FAAH: variants seen among roughly 807,000 people sequenced by gnomAD.
FAAH encodes fatty-acid amide hydrolase 1.
FAAH carries 63 observed loss-of-function variants against 69.7 expected under a neutral mutation model. The observed-to-expected ratio is 0.90, with a 90% CI of 0.74 to 1.12. The LOEUF (loss-of-function observed/expected upper bound fraction) is 1.12, where lower values mean the gene tolerates loss of function less well. FAAH is among the 50% of genes most tolerant of loss of function. The probability of loss-of-function intolerance (pLI) is 0.00; values close to 1 mark genes in which losing one functional copy is unlikely to be tolerated. For missense variants in FAAH, 680 were observed against 755.0 expected (o/e 0.90, Z 1.16); for synonymous variants, 305 against 324.2 (o/e 0.94, Z 0.64).
At chr1:46,400,401 G>C (rs1024241606) in intron 1 of FAAH, among the ~76,000 whole-genome samples, 1 of 152,154 alleles carries the variant, frequency 6.6e-6, no homozygotes, top group Non-Finnish European at 1.5e-5. Flanking sequence ...CAGGGCAGCA[G>C]TTGGGTGGCC....
rs1269963803 is a variant in FAAH, at chr1:46,406,330, T to C, written c.913T>C (p.Leu305=). The C allele has an allele frequency of 1.5e-5, 25 of 1,613,866 alleles. No homozygotes were observed. The highest frequency in any genetic ancestry group is 2.0e-5 in the Non-Finnish European group (24 of 1,179,846). ...CCTGCTGTGTGAGGACATGTTCCGC[T>C]TGGACCCCACTGTGCCTCCCTTGCC... ...RALLCEDMFR[L]DPTVPPLPFR... The change falls in exon 7 of 15, where the codon TTG becomes CTG. Residue 305 remains leucine, a synonymous_variant. Coordinates refer to ENST00000243167, the MANE Select transcript of FAAH (RefSeq NM_001441.3).
intron 1 of FAAH, 94 bp downstream of exon 1, chr1:46,394,637 CG>C: frequency 9.1e-7 from 1 of 1,097,400 alleles, no homozygotes. Flanking sequence ...GGGGATGGGG[CG>C]GGCAGAGCAG....
rs748291682 is a variant in FAAH at position 46,408,484 on chromosome 1, G to A, written c.977G>A (p.Arg326His). Residue 326 changes from arginine (R) to histidine (H), a missense_variant, in exon 8 of 15, where the codon CGT becomes CAT. Physicochemically the swap from Arg to His is conservative, Grantham distance 29. Coordinates refer to ENST00000243167, the MANE Select transcript of FAAH (RefSeq NM_001441.3). ...EEVYTSSQPL[R>H]VGYYETDNYT... Reference sequence around the variant, plus strand: ...GTCTACACCAGCTCTCAGCCCCTGCGTGTGGGGTACTATGAGACTGACAAC... The same window carrying A: ...GTCTACACCAGCTCTCAGCCCCTGCATGTGGGGTACTATGAGACTGACAAC... 16 of 1,614,030 alleles carry A rather than the reference G, an allele frequency of 9.9e-6. No individual in the cohort carries two copies. Among genetic ancestry groups the A allele is most frequent in the Admixed American group, 8.3e-5 (5 of 60,000 alleles).
intron 8 of FAAH, 67 bp from the exon 9 acceptor site, chr1:46,409,034 C>G: frequency 1.5e-6 from 2 of 1,362,404 alleles, no homozygotes; most frequent in Admixed American, 1.7e-5. Flanking sequence ...CAGGGCCGCC[C>G]AGACAGCATG....
At chr1:46,395,429 G>C (rs572521494) in intron 1 of FAAH, among the ~76,000 whole-genome samples, 162 of 152,328 alleles carry the variant, frequency 1.1e-3, no homozygotes, top group African/African-American at 3.8e-3. Flanking sequence ...CTGTCAACAA[G>C]CTTTTCTCCC....
chr1:46,404,686 G>A lies in FAAH; in HGVS notation c.310-328G>A, dbSNP rs185828061. 2.6e-5 allele frequency among the ~76,000 whole-genome samples: 4 copies of A among 152,274 alleles called. No homozygotes were observed. The East Asian group carries it at 7.7e-4, about 29-fold the overall frequency. On this transcript the variant is annotated intron_variant, in intron 2 of 14. Transcript: ENST00000243167. The surrounding 1 kb of genome is among the most constrained non-coding windows in gnomAD (Gnocchi z 4.5). The stretch of plus-strand genomic sequence containing the variant: ...AGAGATGTGGCTTGGGGGAGGTGAG[G>A]GAGTGGCCAGTGGTCATCTTCCTCC...
At position 46,413,012 on chromosome 1, in the gene FAAH, C is replaced by G. The variant is rs1664944252; in HGVS notation, c.1466-63C>G. The stretch of plus-strand genomic sequence containing the variant: ...GTGCCATTTCATATGAGGTTTGACT[C>G]AGGCCCGGAGTTGGCACTGAAGATT... On this transcript the variant is annotated intron_variant, in intron 13 of 14. Coordinates refer to ENST00000243167, the MANE Select transcript of FAAH (RefSeq NM_001441.3). 4 of 1,604,376 alleles carry G rather than the reference C, an allele frequency of 2.5e-6. No individual in the cohort carries two copies. In the South Asian group the frequency reaches 4.4e-5, roughly 18 times the overall value.
chr1:46,408,507 A>G lies in FAAH; in HGVS notation c.1000A>G (p.Asn334Asp), dbSNP rs1664841200. 1 of 1,614,024 alleles carries G rather than the reference A, an allele frequency of 6.2e-7. No homozygotes were observed. The highest frequency in any genetic ancestry group is 8.5e-7 in the Non-Finnish European group (1 of 1,180,024). The change falls in exon 8 of 15, where the codon AAC becomes GAC. Residue 334 changes from asparagine to aspartate, a missense_variant. Physicochemically the swap from Asn to Asp is conservative, Grantham distance 23. Transcript: ENST00000243167. ...PLRVGYYETD[N>D]YTMPSPAMRR... is the part of the protein sequence containing the mutation. ...GCGTGTGGGGTACTATGAGACTGAC[A>G]ACTATACCATGCCCTCCCCGGCCAT...
chr1:46,405,758 G>A lies in FAAH; in HGVS notation c.749G>A (p.Gly250Asp). The A allele has an allele frequency of 6.2e-7, 1 of 1,613,464 alleles. No individual in the cohort carries two copies. Among genetic ancestry groups the A allele is most frequent in the Non-Finnish European group, 8.5e-7 (1 of 1,180,022 alleles). Residue 250 changes from glycine to aspartate, a missense_variant, in exon 5 of 15, where the codon GGC (glycine) becomes GAC (aspartate). Coordinates refer to ENST00000243167, the MANE Select transcript of FAAH (RefSeq NM_001441.3). This position sits in a 1 kb window ranked among gnomAD's most constrained non-coding sequence, Gnocchi z 4.1. ...GSIRFPSSFC[G>D]ICGLKPTGNR... ...ATCCGCTTCCCCTCCTCCTTCTGCG[G>A]CATCTGCGGCCTCAAGCCCACAGGG... is the stretch of plus-strand genomic sequence containing the variant.
Position 46,405,093 on chromosome 1 carries a change from G to A in FAAH, c.389G>A (p.Arg130Lys). ...GAGACTCAGCTGTCTCAGGCCCCAA[G>A]GCAGGGCCTGCTCTATGGCGTCCCT... ...DCETQLSQAPRQGLLYGVPVS... is the reference protein window; with the variant it reads ...DCETQLSQAPKQGLLYGVPVS... Residue 130 changes from arginine to lysine, a missense_variant, in exon 3 of 15, where the codon AGG becomes AAG. Transcript: ENST00000243167. The surrounding 1 kb of genome is among the most constrained non-coding windows in gnomAD (Gnocchi z 4.1). The A allele has an allele frequency of 6.2e-7, 1 of 1,613,942 alleles. No homozygotes were observed. The highest frequency in any genetic ancestry group is 8.5e-7 in the Non-Finnish European group (1 of 1,179,996).
chr1:46,399,610 A>G (rs1664661523), intron 1 of FAAH, among the ~76,000 whole-genome samples: 1 of 152,228 alleles, frequency 6.6e-6, no homozygotes. Context: ...CCGGACTGTC[A>G]GGTGGCAGTT....
At chr1:46,397,932 CTTT>C (rs1047486835) in intron 1 of FAAH, among the ~76,000 whole-genome samples, 2 of 118,038 alleles carry the variant, frequency 1.7e-5, no homozygotes, top group Admixed American at 8.7e-5. Flanking sequence ...GTCTTGAACT[CTTT>C]TTTTTTTTTT....
intron 1 of FAAH, among the ~76,000 whole-genome samples, chr1:46,396,399 TTCACTGATCCTCC>T (rs1664597679): frequency 6.6e-6 from 1 of 152,190 alleles, no homozygotes; most frequent in Admixed American, 6.5e-5. Context: ...GCCTTCCTCT[TTCACTGATCCTCC>T]TCAGCACAGA....
chr1:46,410,407 T>C lies in FAAH; in HGVS notation c.1185T>C (p.Asp395=), dbSNP rs1300675818. 6.2e-7 allele frequency: 1 copy of C among 1,613,980 alleles called. No individual in the cohort carries two copies. The highest frequency in any genetic ancestry group is 8.5e-7 in the Non-Finnish European group (1 of 1,179,922). ...GCATTTTGTTTCCCAGCAAAGGTGATTTCGTGGACCCCTGCCTGGGGGACC... is the reference window on the plus strand; with the variant it reads ...GCATTTTGTTTCCCAGCAAAGGTGACTTCGTGGACCCCTGCCTGGGGGACC... ...GHTFLQNFKG[D]FVDPCLGDLV... The change falls in exon 10 of 15, where the codon GAT becomes GAC. Residue 395 remains aspartate (D), a synonymous_variant. Transcript: ENST00000243167. The surrounding 1 kb of genome is among the most constrained non-coding windows in gnomAD (Gnocchi z 4.9).
chr1:46,411,357 C>T lies in FAAH; in HGVS notation c.1317-255C>T, dbSNP rs1220197363. ...GCAGCAGCTATGGCCTCTCCCGTGT[C>T]CTGAGGGTAGCGAGGAATCGGGCCT... On this transcript the variant is annotated intron_variant, in intron 11 of 14. Transcript: ENST00000243167. The surrounding 1 kb of genome is among the most constrained non-coding windows in gnomAD (Gnocchi z 4.8). Among the ~76,000 whole-genome samples the T allele has an allele frequency of 1.3e-5, 2 of 152,228 alleles. No individual in the cohort carries two copies. Among genetic ancestry groups the T allele is most frequent in the East Asian group, 3.8e-4 (2 of 5,204 alleles).
Position 46,402,180 on chromosome 1 carries a change from C to A in FAAH, c.285C>A (p.Ala95=), listed in dbSNP as rs1229262924. The A allele has an allele frequency of 6.2e-7, 1 of 1,605,364 alleles. No homozygotes were observed. Among genetic ancestry groups the A allele is most frequent in the Non-Finnish European group, 8.5e-7 (1 of 1,175,946 alleles). Residue 95 remains alanine, a synonymous_variant, in exon 2 of 15, where the codon GCC becomes GCA. Transcript: ENST00000243167. ...ACAGTAGAGAGCTGGCCCCTGAGGC[C>A]GTGCTCTTCACCTATGTGGGAAAGG... ...KLHSRELAPE[A]VLFTYVGKAW... is the part of the protein sequence containing the mutation.
In FAAH at chr1:46,405,372, G is replaced by A; in HGVS notation, c.445G>A (p.Gly149Ser). 6.2e-7 allele frequency: 1 copy of A among 1,610,160 alleles called. No individual in the cohort carries two copies. The highest frequency in any genetic ancestry group is 8.5e-7 in the Non-Finnish European group (1 of 1,179,982). ...TTCTGGTGCCCATCCCTCCTCCCAG[G>A]GCCAGGACTCCACGCTGGGCTTGAG... ...VSLKECFTYKGQDSTLGLSLN... is the reference protein window; with the variant it reads ...VSLKECFTYKSQDSTLGLSLN... The change falls in exon 4 of 15, where the codon GGC becomes AGC. Residue 149 changes from glycine to serine, a missense_variant and splice_region_variant. Gly to Ser is a moderately conservative substitution (Grantham distance 56). Coordinates refer to ENST00000243167, the MANE Select transcript of FAAH (RefSeq NM_001441.3). This position sits in a 1 kb window ranked among gnomAD's most constrained non-coding sequence, Gnocchi z 4.1.
chr1:46,398,593 GCTCAATCTT>G (rs1664641726), intron 1 of FAAH, among the ~76,000 whole-genome samples: 1 of 151,740 alleles, frequency 6.6e-6, no homozygotes, highest in Non-Finnish European at 1.5e-5. Context: ...GAGTGTAGTG[GCTCAATCTT>G]GGCTCACTGC....
intron 13 of FAAH, among the ~76,000 whole-genome samples, 184 bp downstream of exon 13, chr1:46,412,435 A>T (rs1329448802): frequency 2.0e-5 from 3 of 152,244 alleles, no homozygotes; most frequent in Non-Finnish European, 2.9e-5. Context: ...TGTCATCAGC[A>T]CTATTCAAGT....
Sources: allele counts gnomAD v4.1 joint callset (sites outside exome capture counted in the v4.1 genomes callset), GRCh38; gene constraint gnomAD v4.1.1; non-coding constraint Gnocchi (gnomAD v3.1); transcripts MANE v1.5; gene names NCBI Gene and HGNC (gene_info 2026-07-23, HGNC 2026-07-21).